Variants in ITGA9 observed in about 807,000 individuals in gnomAD.
ITGA9 encodes the protein integrin subunit alpha 9.
In ITGA9, 56 loss-of-function variants were observed where a neutral mutation model predicts 127.8. The observed-to-expected ratio is 0.44, with a 90% confidence interval of 0.35 to 0.55. The LOEUF (loss-of-function observed/expected upper bound fraction) is 0.55, where lower values mean the gene tolerates loss of function less well. Among genes scored for constraint, ITGA9 ranks in the 20% least tolerant of loss-of-function variants. ITGA9 has a pLI of 0.00. For synonymous variants in ITGA9, 508 were observed against 514.5 expected, an observed-to-expected ratio of 0.99 and a Z score of 0.17; for missense variants, 1,196 against 1,347.1, an observed-to-expected ratio of 0.89 and a Z score of 1.76.
chr3:37,636,986 G>A (rs1275965890), intron 16 of ITGA9, among the ~76,000 whole-genome samples: 132 of 151,996 alleles, frequency 8.7e-4, no homozygotes, highest in Middle Eastern at 3.4e-3. Flanking sequence ...TGTTCCATTG[G>A]TCTATATCTC....
intron 15 of ITGA9, among the ~76,000 whole-genome samples, chr3:37,569,198 C>T (rs1436586689): frequency 6.6e-6 from 1 of 152,218 alleles, no homozygotes; most frequent in Non-Finnish European, 1.5e-5. Context: ...TGGCAGCAGG[C>T]AAGAGAGAGA....
intron 19 of ITGA9, 61 bp downstream of exon 19, chr3:37,732,859 T>A: frequency 7.6e-7 from 1 of 1,311,722 alleles, no homozygotes; most frequent in Non-Finnish European, 1.1e-6. Context: ...CACCAGCCAC[T>A]GATTCCGCCG....
At chr3:37,707,579 G>A (rs1318552917) in intron 18 of ITGA9, among the ~76,000 whole-genome samples, 1 of 152,148 alleles carries the variant, frequency 6.6e-6, no homozygotes, top group Non-Finnish European at 1.5e-5. Flanking sequence ...GGGGACATAA[G>A]TACAAAGTGA....
chr3:37,487,942 C>T (rs927882617), intron 4 of ITGA9, among the ~76,000 whole-genome samples: 2 of 152,054 alleles, frequency 1.3e-5, no homozygotes, highest in African/African-American at 2.4e-5. Context: ...GTAGACAAGT[C>T]CCAGTAGGTA....
chr3:37,542,337 T>A, intron 14 of ITGA9, 88 bp from the exon 15 acceptor site: 1 of 1,364,802 alleles, frequency 7.3e-7, no homozygotes, highest in Non-Finnish European at 1.0e-6. Context: ...ATATGAGATG[T>A]GCATGTGATC....
chr3:37,696,193 G>C (rs1285374603), intron 18 of ITGA9, among the ~76,000 whole-genome samples: 1 of 152,220 alleles, frequency 6.6e-6, no homozygotes, highest in African/African-American at 2.4e-5. Context: ...GACAGAGTCA[G>C]AGTTGTGTTT....
intron 15 of ITGA9, among the ~76,000 whole-genome samples, chr3:37,609,517 A>T (rs1052773032): frequency 5.3e-5 from 8 of 152,230 alleles, no homozygotes; most frequent in Admixed American, 5.2e-4. Flanking sequence ...TGAAAGATTT[A>T]TCAAGGAATG....
intron 18 of ITGA9, among the ~76,000 whole-genome samples, chr3:37,716,135 C>T (rs1317087155): frequency 6.6e-6 from 1 of 152,204 alleles, no homozygotes; most frequent in Admixed American, 6.5e-5. Flanking sequence ...GATGTGAATT[C>T]TCAAGCACTT....
At chr3:37,689,900 G>C (rs1477294189) in intron 18 of ITGA9, among the ~76,000 whole-genome samples, 1 of 152,218 alleles carries the variant, frequency 6.6e-6, no homozygotes, top group South Asian at 2.1e-4. Context: ...GCCACAAGGA[G>C]ACACAAAGAT....
chr3:37,780,682 G>T (rs1325582967), intron 25 of ITGA9, among the ~76,000 whole-genome samples: 1 of 152,150 alleles, frequency 6.6e-6, no homozygotes, highest in East Asian at 1.9e-4. Context: ...TTCCCTTTGG[G>T]TATATACCCA....
At chr3:37,762,904 G>A (rs533126141) in intron 23 of ITGA9, among the ~76,000 whole-genome samples, 2 of 152,270 alleles carry the variant, frequency 1.3e-5, no homozygotes, top group South Asian at 2.1e-4. Flanking sequence ...GATCCCCAGG[G>A]ATTCCTTTGT....
At chr3:37,716,923 A>G (rs1050017710) in intron 18 of ITGA9, among the ~76,000 whole-genome samples, 11 of 152,192 alleles carry the variant, frequency 7.2e-5, no homozygotes, top group African/African-American at 2.7e-4. Context: ...GAGGTCCGTC[A>G]TTCAGTGCTC....
intron 17 of ITGA9, among the ~76,000 whole-genome samples, chr3:37,660,451 T>A (rs576998013): frequency 1.3e-5 from 2 of 152,352 alleles, no homozygotes; most frequent in African/African-American, 4.8e-5. Context: ...TAGTGGATGA[T>A]CAAATCCATC....
intron 3 of ITGA9, among the ~76,000 whole-genome samples, chr3:37,475,877 T>C (rs549389986): frequency 1.3e-5 from 2 of 152,366 alleles, no homozygotes; most frequent in South Asian, 4.1e-4. Flanking sequence ...CTCCTTCCCG[T>C]GGTTCCTGGC....
At position 37,822,438 on chromosome 3, in the gene ITGA9, C is replaced by T. The variant is rs761653715; in HGVS notation, c.*3449C>T. The T allele has an allele frequency of 1.3e-5, 2 of 150,634 alleles. No homozygotes were observed. The highest frequency in any genetic ancestry group is 3.0e-5 in the Non-Finnish European group (2 of 67,128). 9.3% of individuals were successfully genotyped at this position (150,634 alleles called of 1,614,324 possible). On this transcript the variant is annotated 3_prime_UTR_variant, in exon 28 of 28. Transcript: ENST00000264741. Reference sequence around the variant, plus strand: ...CATGATGTTTAGAAACAAGGGGACACTAGCAGGAGGGGCAGGGTCCACTGG... The same window carrying T: ...CATGATGTTTAGAAACAAGGGGACATTAGCAGGAGGGGCAGGGTCCACTGG...
chr3:37,551,806 G>A (rs1368455109), intron 15 of ITGA9, among the ~76,000 whole-genome samples: 1 of 152,212 alleles, frequency 6.6e-6, no homozygotes, highest in Non-Finnish European at 1.5e-5. Context: ...TGTGGAAAAA[G>A]CCCTTGCCAT....
intron 13 of ITGA9, among the ~76,000 whole-genome samples, chr3:37,530,560 A>G (rs556155783): frequency 1.3e-5 from 2 of 152,190 alleles, no homozygotes; most frequent in Non-Finnish European, 1.5e-5. Flanking sequence ...CAGTGGCACC[A>G]GGGGTGAAGG....
At chr3:37,649,937 A>G (rs1414496286) in intron 16 of ITGA9, among the ~76,000 whole-genome samples, 1 of 152,196 alleles carries the variant, frequency 6.6e-6, no homozygotes, top group Non-Finnish European at 1.5e-5. Context: ...TTGTGAATTC[A>G]TTTGTGAATT....
In ITGA9 at chr3:37,785,428, A is replaced by C. The variant is rs528649360; in HGVS notation, c.2889+350A>C. On this transcript the variant is annotated intron_variant, in intron 26 of 27. Transcript: ENST00000264741. ...TCTTAGACCTTTCCTAAGACAGACC[A>C]CATCTGCCTTACCCGTCACATTACT... Among the ~76,000 whole-genome samples, 83 of 152,254 alleles carry C rather than the reference A, an allele frequency of 5.5e-4. 1 individual carries two copies. The East Asian group carries it at 7.2e-3, about 13-fold the overall frequency.
Sources: gnomAD v4.1 joint callset for allele counts (sites outside exome capture counted in the v4.1 genomes callset) on GRCh38, gnomAD v4.1.1 for gene constraint, MANE v1.5 for transcripts, NCBI Gene and HGNC (gene_info 2026-07-23, HGNC 2026-07-21) for gene names.